The following LDLRAD4 variants were observed in gnomAD, a reference collection of about 807,000 sequenced individuals.
The protein encoded by LDLRAD4 is low density lipoprotein receptor class A domain containing 4, also known as low-density lipoprotein receptor class A domain-containing protein 4.
In LDLRAD4, 5 loss-of-function variants were observed where a neutral mutation model predicts 17.0. That is an observed-to-expected ratio of 0.29 (90% CI 0.15 to 0.62). The LOEUF is 0.62. Among genes scored for constraint, LDLRAD4 ranks in the 20% least tolerant of loss-of-function variants. The pLI is 0.84. For missense variants in LDLRAD4, 340 were observed against 424.7 expected (o/e 0.80, Z 1.75); for synonymous variants, 168 against 171.8 (o/e 0.98, Z 0.17).
intron 3 of LDLRAD4, among the ~76,000 whole-genome samples, chr18:13,505,192 T>C (rs1054010324): frequency 6.6e-6 from 1 of 152,188 alleles, no homozygotes; most frequent in Non-Finnish European, 1.5e-5. Context: ...CTCAGTTAGA[T>C]TCTCCCAGCA....
rs76430704 is a variant in LDLRAD4 at position 13,302,925 on chromosome 18, T to G, written c.-383+24737T>G. Reference sequence around the variant, plus strand: ...CATGCAGTTACTGTTATATGCAGATTTGGAGCCCGACCTGCTGCTGACTGT... The same window carrying G: ...CATGCAGTTACTGTTATATGCAGATGTGGAGCCCGACCTGCTGCTGACTGT... On this transcript the variant is annotated intron_variant, in intron 1 of 5. Transcript: ENST00000359446. Among the ~76,000 whole-genome samples, 1,276 of 152,386 alleles carry G rather than the reference T, an allele frequency of 8.4e-3. 22 individuals carry two copies. The highest frequency in any genetic ancestry group is 0.029 in the African/African-American group (1,215 of 41,598).
At chr18:13,304,140 G>C (rs1246544605) in intron 1 of LDLRAD4, among the ~76,000 whole-genome samples, 1 of 152,194 alleles carries the variant, frequency 6.6e-6, no homozygotes. Flanking sequence ...AGGCTCCCAG[G>C]CCAGGACCTG....
intron 3 of LDLRAD4, chr18:13,611,578 G>A (rs774546236): frequency 1.0e-6 from 1 of 985,330 alleles, no homozygotes; most frequent in Non-Finnish European, 1.2e-6. Context: ...AGGAGAAAGC[G>A]CCCTCCTGAG....
At chr18:13,374,171 C>T (rs1052847383) in intron 1 of LDLRAD4, among the ~76,000 whole-genome samples, 3 of 152,226 alleles carry the variant, frequency 2.0e-5, no homozygotes, top group Admixed American at 1.3e-4. Context: ...CATAGGTCGT[C>T]TCTTGGGATA....
At chr18:13,251,306 A>T (rs1355048341) in intron 1 of LDLRAD4, among the ~76,000 whole-genome samples, 8 of 152,212 alleles carry the variant, frequency 5.3e-5, no homozygotes, top group Admixed American at 5.2e-4. Flanking sequence ...CTTTTCCTTT[A>T]AGAACTGGAA....
At chr18:13,514,774 C>G (rs2093837481) in intron 3 of LDLRAD4, 1 of 152,186 alleles carries the variant, frequency 6.6e-6, no homozygotes, top group Admixed American at 6.5e-5. Flanking sequence ...ATGCAGAAGC[C>G]CTGGTGAAAC....
chr18:13,519,037 C>T lies in LDLRAD4; in HGVS notation c.181+80653C>T, dbSNP rs565939531. ...TGGAAATGCCCTAGGCTTTGTCTCC[C>T]GTCTGCTAGCTGCAAGAGTGCATTA... On this transcript the variant is annotated intron_variant, in intron 3 of 5. Transcript: ENST00000359446. Among the ~76,000 whole-genome samples the T allele has an allele frequency of 4.6e-5, 7 of 152,278 alleles. No individual in the cohort carries two copies. The South Asian group carries it at 6.2e-4, about 14-fold the overall frequency.
intron 3 of LDLRAD4, among the ~76,000 whole-genome samples, chr18:13,496,039 T>C (rs1292931449): frequency 6.6e-6 from 1 of 152,102 alleles, no homozygotes; most frequent in Admixed American, 6.6e-5. Context: ...GCCTCCCTTC[T>C]CTGCCTCGAG....
intron 1 of LDLRAD4, among the ~76,000 whole-genome samples, chr18:13,317,055 G>A (rs535395554): frequency 8.5e-4 from 130 of 152,280 alleles, no homozygotes; most frequent in Non-Finnish European, 1.5e-3. Context: ...CAGAAGGCAC[G>A]ATAGTGAAAG....
At chr18:13,540,039 A>T (rs1356033247) in intron 3 of LDLRAD4, among the ~76,000 whole-genome samples, 1 of 152,188 alleles carries the variant, frequency 6.6e-6, no homozygotes, top group Non-Finnish European at 1.5e-5. Flanking sequence ...GGTCACCCGC[A>T]TGCCAAAGCT....
intron 3 of LDLRAD4, among the ~76,000 whole-genome samples, chr18:13,572,168 T>G (rs1359206433): frequency 6.6e-6 from 1 of 152,258 alleles, no homozygotes; most frequent in East Asian, 1.9e-4. Flanking sequence ...CGTTTACAGT[T>G]GCAGTTTACA....
rs181157994 is a variant in LDLRAD4, at chr18:13,269,504, G to A, written c.-466-8601G>A. Among the ~76,000 whole-genome samples, 34 of 152,178 alleles carry A rather than the reference G, an allele frequency of 2.2e-4. No individual in the cohort carries two copies. In the East Asian group the frequency reaches 2.3e-3, roughly 10 times the overall value. On this transcript the variant is annotated intron_variant, in intron 1 of 5. Transcript: ENST00000399848. ...TCTCTATTTTCAATTAAAATGATCC[G>A]TTAATGTGGGAATATTTGGAGCATC...
intron 3 of LDLRAD4, chr18:13,465,211 A>G (rs974976618): frequency 2.0e-5 from 3 of 152,218 alleles, no homozygotes; most frequent in Non-Finnish European, 4.4e-5. Flanking sequence ...ATTTCTGTGC[A>G]TCGGCTCAGG....
chr18:13,366,158 C>T (rs1226924178), intron 1 of LDLRAD4: 2 of 152,220 alleles, frequency 1.3e-5, no homozygotes, highest in Admixed American at 6.5e-5. Flanking sequence ...ATTGCAGACT[C>T]GACCTCCTGG....
At chr18:13,527,870 C>T (rs1250338813) in intron 3 of LDLRAD4, among the ~76,000 whole-genome samples, 4 of 152,198 alleles carry the variant, frequency 2.6e-5, no homozygotes, top group African/African-American at 9.6e-5. Context: ...CGGGCTGCCA[C>T]TCCTGCAGCA....
At chr18:13,489,737 A>G (rs1600767518) in intron 3 of LDLRAD4, 1 of 152,308 alleles carries the variant, frequency 6.6e-6, no homozygotes, top group Non-Finnish European at 1.5e-5. Flanking sequence ...ATCGTGACAC[A>G]GCAGCAGCCC....
At chr18:13,457,869 C>T (rs1308857795) in intron 3 of LDLRAD4, among the ~76,000 whole-genome samples, 1 of 152,194 alleles carries the variant, frequency 6.6e-6, no homozygotes, top group African/African-American at 2.4e-5. Context: ...TCCATGAAGG[C>T]AGGACCATGC....
rs1157718015 is a variant in LDLRAD4 at position 13,610,265 on chromosome 18, A to ATT, written c.182-10813_182-10812dup. ...TTCCATGAAGTTCACCAAAGCCCTA[A>ATT]TTTTTTTTTTTTTTTTTTTTTTTTT... On this transcript the variant is annotated intron_variant, in intron 3 of 5. Transcript: ENST00000359446. Among the ~76,000 whole-genome samples the ATT allele has an allele frequency of 1.4e-3, 86 of 62,510 alleles. 16 individuals carry two copies. Among genetic ancestry groups the ATT allele is most frequent in the African/African-American group, 2.3e-3 (43 of 18,412 alleles). 41.0% of individuals were successfully genotyped at this position (62,510 alleles called of 152,430 possible). A position where few individuals can be genotyped will look rare whatever the true frequency, so the allele number is the denominator to read the frequency against.
intron 1 of LDLRAD4, among the ~76,000 whole-genome samples, chr18:13,233,616 G>A (rs1362500335): frequency 6.6e-6 from 1 of 152,060 alleles, no homozygotes; most frequent in African/African-American, 2.4e-5. Flanking sequence ...GTAAGGTGTG[G>A]CCAGCTTCAG....
Sources: allele counts gnomAD v4.1 joint callset (sites outside exome capture counted in the v4.1 genomes callset), GRCh38; gene constraint gnomAD v4.1.1; transcripts MANE v1.5; gene names NCBI Gene and HGNC (gene_info 2026-07-23, HGNC 2026-07-21).